Variants in FIBCD1 observed in about 807,000 individuals in gnomAD.
FIBCD1 encodes fibrinogen C domain containing 1, also known as fibrinogen C domain-containing protein 1.
FIBCD1 carries 47 observed loss-of-function variants against 45.1 expected under a neutral mutation model. That is an observed-to-expected ratio of 1.04 (90% confidence interval 0.82 to 1.33). The LOEUF is 1.33. Ranked by LOEUF, FIBCD1 falls within the 40% of genes most tolerant of loss-of-function variation. The pLI is 0.00. For missense variants in FIBCD1, 653 were observed against 682.2 expected (o/e 0.96, Z 0.48); for synonymous variants, 313 against 308.1 (o/e 1.02, Z -0.17).
chr9:130,921,035 A>G (rs1476878085), intron 4 of FIBCD1, among the ~76,000 whole-genome samples: 1 of 152,206 alleles, frequency 6.6e-6, no homozygotes, highest in East Asian at 1.9e-4. Context: ...GCCTGCCTCC[A>G]GGGATTGAAG....
chr9:130,926,783 C>T lies in FIBCD1; in HGVS notation c.553-2387G>A, dbSNP rs1832369754. The stretch of plus-strand genomic sequence containing the variant: ...GTTGCAGTGAGCCGAGATTGAACCA[C>T]TGCACTCCAGCTGGGTGACAGAGCG... On this transcript the variant is annotated intron_variant, in intron 2 of 6. Coordinates refer to ENST00000372338, the MANE Select transcript of FIBCD1 (RefSeq NM_032843.5). This position sits in a 1 kb window ranked among gnomAD's most constrained non-coding sequence, Gnocchi z 4.1. Among the ~76,000 whole-genome samples, 1 of 152,168 alleles carries T rather than the reference C, an allele frequency of 6.6e-6. No individual in the cohort carries two copies. The highest frequency in any genetic ancestry group is 6.5e-5 in the Admixed American group (1 of 15,282).
intron 4 of FIBCD1, among the ~76,000 whole-genome samples, 165 bp from the exon 5 acceptor site, chr9:130,912,053 G>A (rs1331323223): frequency 1.3e-5 from 2 of 151,862 alleles, no homozygotes; most frequent in African/African-American, 4.8e-5. Context: ...CCTGGCCAGG[G>A]GCCTGGAAAA....
At position 130,929,998 on chromosome 9, in the gene FIBCD1, C is replaced by A. The variant is rs1471353717; in HGVS notation, c.121G>T (p.Val41Leu). ...VLCTVLLALA[V>L]LLAVAVTGAV... ...CCGGTGACAGCTACAGCCAGCAGCA[C>A]AGCCAGGGCCAGCAGCACGGTGCAC... Residue 41 changes from valine to leucine, a missense_variant, in exon 2 of 7, where the codon GTG becomes TTG. Transcript: ENST00000372338. 2 of 1,536,430 alleles carry A rather than the reference C, an allele frequency of 1.3e-6. No individual in the cohort carries two copies.
rs80037020 is a variant in FIBCD1 at position 130,937,604 on chromosome 9, A to G, written c.72+932T>C. Among the ~76,000 whole-genome samples, 415 of 152,276 alleles carry G rather than the reference A, an allele frequency of 2.7e-3. 2 individuals are homozygous for G. Among genetic ancestry groups the G allele is most frequent in the African/African-American group, 9.3e-3 (388 of 41,550 alleles). ...GCAAGCACGAACTGTTCCTTCCCCA[A>G]TGACATCTGTCTGGAAGAAATTTAA... On this transcript the variant is annotated intron_variant, in intron 1 of 6. Coordinates refer to ENST00000372338, the MANE Select transcript of FIBCD1 (RefSeq NM_032843.5).
chr9:130,909,905 G>A (rs1832005234), intron 5 of FIBCD1, among the ~76,000 whole-genome samples: 1 of 152,246 alleles, frequency 6.6e-6, no homozygotes, highest in South Asian at 2.1e-4. Context: ...AAGGCGTGCG[G>A]TTGCCTCCAG....
chr9:130,903,940 G>T lies in FIBCD1; in HGVS notation c.*124C>A. Reference sequence around the variant, plus strand: ...GGAGCTTCGTGTCAGGGATGGCCCGGCCCCTCCCTACTGGAGAGTGGGTCC... The same window carrying T: ...GGAGCTTCGTGTCAGGGATGGCCCGTCCCCTCCCTACTGGAGAGTGGGTCC... On this transcript the variant is annotated 3_prime_UTR_variant, in exon 7 of 7. Coordinates refer to ENST00000372338, the MANE Select transcript of FIBCD1 (RefSeq NM_032843.5). 7.6e-7 allele frequency: 1 copy of T among 1,322,276 alleles called. No homozygotes were observed. 81.9% of individuals were successfully genotyped at this position (1,322,276 alleles called of 1,614,324 possible).
chr9:130,913,266 A>T (rs1279455967), intron 4 of FIBCD1, among the ~76,000 whole-genome samples: 1 of 104,570 alleles, frequency 9.6e-6, no homozygotes, highest in Admixed American at 8.2e-5. Context: ...ATTCTCCTTT[A>T]TTCTCCCTGC....
At chr9:130,911,327 TGAGA>T (rs1832039583) in intron 5 of FIBCD1, among the ~76,000 whole-genome samples, 1 of 37,500 alleles carries the variant, frequency 2.7e-5, no homozygotes, top group Non-Finnish European at 4.2e-5. Context: ...TTGAAATCAG[TGAGA>T]CCAAGAACCC....
At chr9:130,916,766 C>G (rs749353057) in intron 4 of FIBCD1, among the ~76,000 whole-genome samples, 14 of 152,208 alleles carry the variant, frequency 9.2e-5, no homozygotes, top group Non-Finnish European at 2.1e-4. Flanking sequence ...CCCCTTCTTT[C>G]TGCCCCACCC....
chr9:130,914,509 G>A (rs962680087), intron 4 of FIBCD1, among the ~76,000 whole-genome samples: 1 of 152,242 alleles, frequency 6.6e-6, no homozygotes, highest in Non-Finnish European at 1.5e-5. Context: ...GCTGGGCGGG[G>A]CAGAAAATGC....
chr9:130,904,658 G>T (rs923763502), intron 6 of FIBCD1, among the ~76,000 whole-genome samples: 11 of 152,230 alleles, frequency 7.2e-5, no homozygotes, highest in African/African-American at 2.7e-4. Context: ...CCCAGCCCAG[G>T]GGGGTCCAGC....
At chr9:130,930,815 TAG>T (rs1342425445) in intron 1 of FIBCD1, 2 of 456,004 alleles carry the variant, frequency 4.4e-6, no homozygotes, top group African/African-American at 4.0e-5. Context: ...CAGAGCAATA[TAG>T]AGACACCCAC....
At chr9:130,913,610 T>C (rs1393817349) in intron 4 of FIBCD1, among the ~76,000 whole-genome samples, 11 of 152,198 alleles carry the variant, frequency 7.2e-5, no homozygotes, top group African/African-American at 2.4e-4. Context: ...CTGAAAGTCC[T>C]CAGGAGTGAC....
In FIBCD1 at chr9:130,926,527, TGG is replaced by T. The variant is rs1010715995; in HGVS notation, c.553-2133_553-2132del. ...AGCCTCAGTCTGCCTCTCCATAAAA[TGG>T]GATAACAAGGCCGGGTGTGGTGGCT... On this transcript the variant is annotated intron_variant, in intron 2 of 6. Transcript: ENST00000372338. This position sits in a 1 kb window ranked among gnomAD's most constrained non-coding sequence, Gnocchi z 4.1. Among the ~76,000 whole-genome samples the T allele has an allele frequency of 6.6e-6, 1 of 152,142 alleles. No homozygotes were observed. The highest frequency in any genetic ancestry group is 1.5e-5 in the Non-Finnish European group (1 of 68,032).
At chr9:130,928,419 C>T in intron 2 of FIBCD1, among the ~76,000 whole-genome samples, 1 of 152,098 alleles carries the variant, frequency 6.6e-6, no homozygotes, top group Non-Finnish European at 1.5e-5. Flanking sequence ...AGGAGGTACC[C>T]CCAGCCCCCA....
chr9:130,921,347 C>T (rs1208200167), intron 4 of FIBCD1, among the ~76,000 whole-genome samples: 3 of 152,246 alleles, frequency 2.0e-5, no homozygotes, highest in East Asian at 3.8e-4. Context: ...GAGTTTCTGA[C>T]GGATTCCATG....
intron 6 of FIBCD1, among the ~76,000 whole-genome samples, chr9:130,905,032 A>C (rs747361690): frequency 2.6e-5 from 4 of 152,248 alleles, no homozygotes; most frequent in Non-Finnish European, 5.9e-5. Context: ...TATTACTTAA[A>C]AAAAATTTAG....
intron 5 of FIBCD1, among the ~76,000 whole-genome samples, chr9:130,907,474 A>G (rs1831949688): frequency 6.6e-6 from 1 of 152,230 alleles, no homozygotes; most frequent in Non-Finnish European, 1.5e-5. Flanking sequence ...TCCCGGCTCA[A>G]ATCGCCAAGA....
intron 1 of FIBCD1, among the ~76,000 whole-genome samples, chr9:130,934,887 G>C (rs1039150525): frequency 1.3e-5 from 2 of 152,168 alleles, no homozygotes; most frequent in African/African-American, 2.4e-5. Context: ...CTCAGAAGGA[G>C]GGGCTTGGGA....
Sources: allele counts gnomAD v4.1 joint callset (sites outside exome capture counted in the v4.1 genomes callset), GRCh38; gene constraint gnomAD v4.1.1; non-coding constraint Gnocchi (gnomAD v3.1); transcripts MANE v1.5; gene names NCBI Gene and HGNC (gene_info 2026-07-23, HGNC 2026-07-21).